The following CACNA1B variants were observed in gnomAD, a reference collection of about 807,000 sequenced individuals.
CACNA1B encodes voltage-dependent N-type calcium channel subunit alpha-1B.
A neutral mutation model predicts 247.2 loss-of-function variants in CACNA1B; 70 were observed. That is an observed-to-expected ratio of 0.28 (90% CI 0.23 to 0.35). The LOEUF is 0.35. CACNA1B is among the 10% of genes least tolerant of loss of function. The pLI, the probability that CACNA1B is intolerant of heterozygous loss-of-function variation, is 1.00. For missense variants in CACNA1B, 2,367 were observed against 3,197.4 expected (o/e 0.74, Z 6.26); for synonymous variants, 1,231 against 1,294.4 (o/e 0.95, Z 1.05).
chr9:137,912,765 C>T (rs1957372105), intron 3 of CACNA1B, among the ~76,000 whole-genome samples: 1 of 152,176 alleles, frequency 6.6e-6, no homozygotes. Flanking sequence ...CTCCTGCTCT[C>T]AGTCTCCACT....
At chr9:137,892,252 G>A (rs1199951193) in intron 3 of CACNA1B, 2 of 456,818 alleles carry the variant, frequency 4.4e-6, no homozygotes, top group Admixed American at 2.3e-5. Context: ...AGTCCTGGAG[G>A]CTGGAGGTCC....
chr9:137,994,386 C>A (rs1329741902), intron 15 of CACNA1B, among the ~76,000 whole-genome samples: 1 of 152,158 alleles, frequency 6.6e-6, no homozygotes, highest in African/African-American at 2.4e-5. Context: ...GCATCCAAAT[C>A]GGTAAAGAGG....
intron 3 of CACNA1B, chr9:137,890,456 G>C (rs1358859018): frequency 4.7e-5 from 7 of 150,198 alleles, no homozygotes; most frequent in African/African-American, 1.7e-4. Context: ...GGACCAGGTG[G>C]TCTGTCCTTT....
rs541233407 is a variant in CACNA1B at position 138,050,062 on chromosome 9, C to T, written c.3710+747C>T. 3 of 1,289,508 alleles carry T rather than the reference C, an allele frequency of 2.3e-6. No individual in the cohort carries two copies. The highest frequency in any genetic ancestry group is 1.1e-4 in the East Asian group (2 of 18,022). The allele number at this position is 1,289,508 out of a possible 1,614,324, so 79.9% of individuals were successfully genotyped here. ...CTCTGTTCTCTTTGTCTTCCTCTTG[C>T]TGGACTCGGCAGGAGCTTCGTGGGG... On this transcript the variant is annotated intron_variant, in intron 24 of 46. Transcript: ENST00000371372. The surrounding 1 kb of genome is among the most constrained non-coding windows in gnomAD (Gnocchi z 5.2).
At chr9:137,976,159 G>A (rs1159723176) in intron 12 of CACNA1B, 140 bp downstream of exon 12, 3 of 630,746 alleles carry the variant, frequency 4.8e-6, no homozygotes, top group Admixed American at 2.8e-5. Context: ...AGACAGTGAG[G>A]AGCAGGGGGC....
chr9:137,955,142 T>G lies in CACNA1B; in HGVS notation c.1071-556T>G. On this transcript the variant is annotated intron_variant, in intron 7 of 46. Coordinates refer to ENST00000371372, the MANE Select transcript of CACNA1B (RefSeq NM_000718.4). The surrounding 1 kb of genome is among the most constrained non-coding windows in gnomAD (Gnocchi z 6.9). ...GCTTGGTTGAGGAGGCTACGTGGAC[T>G]CTGCGGTATTACCCTTCTGCCTCTG... Among the ~76,000 whole-genome samples the G allele has an allele frequency of 6.6e-6, 1 of 152,160 alleles. No individual in the cohort carries two copies. Among genetic ancestry groups the G allele is most frequent in the East Asian group, 1.9e-4 (1 of 5,172 alleles).
At chr9:138,062,808 T>A (rs1203975076) in intron 31 of CACNA1B, among the ~76,000 whole-genome samples, 1 of 152,228 alleles carries the variant, frequency 6.6e-6, no homozygotes, top group Admixed American at 6.5e-5. Context: ...TATCACATCC[T>A]GGGTCTGTTG....
rs759722772 is a variant in CACNA1B at position 138,052,235 on chromosome 9, C to CGTGTGTGTGTGTGCGT, written c.3807+60_3807+75dup. 1.1e-6 allele frequency: 1 copy of CGTGTGTGTGTGTGCGT among 939,716 alleles called. No homozygotes were observed. The highest frequency in any genetic ancestry group is 1.7e-6 in the Non-Finnish European group (1 of 604,280). The allele number at this position is 939,716 out of a possible 1,614,324, so 58.2% of individuals were successfully genotyped here. On this transcript the variant is annotated intron_variant, in intron 25 of 46. Transcript: ENST00000371372. This position sits in a 1 kb window ranked among gnomAD's most constrained non-coding sequence, Gnocchi z 5.1. ...TTGAGGGATGTGCTGTGTGTGTGTG[C>CGTGTGTGTGTGTGCGT]GTGTGTGTGTGTGCGTGTGTGTGTG...
chr9:138,075,374 T>C (rs550285794), intron 34 of CACNA1B, among the ~76,000 whole-genome samples: 1 of 152,382 alleles, frequency 6.6e-6, no homozygotes, highest in South Asian at 2.1e-4. Flanking sequence ...TTTGCATTTC[T>C]TACTGTGGAA....
intron 15 of CACNA1B, among the ~76,000 whole-genome samples, chr9:137,996,876 C>G (rs1473926731): frequency 6.6e-6 from 1 of 152,094 alleles, no homozygotes; most frequent in African/African-American, 2.4e-5. Flanking sequence ...AAGAAAAATA[C>G]AGATCACTTC....
intron 31 of CACNA1B, among the ~76,000 whole-genome samples, chr9:138,061,865 C>T (rs569903803): frequency 1.3e-5 from 2 of 152,234 alleles, no homozygotes; most frequent in African/African-American, 4.8e-5. Flanking sequence ...GTGTTGCTGT[C>T]TGTTCATTCC....
chr9:138,087,713 CAAAAAAAAAAAA>C (rs57138546), intron 36 of CACNA1B, among the ~76,000 whole-genome samples: 7 of 35,456 alleles, frequency 2.0e-4, no homozygotes, highest in Non-Finnish European at 2.6e-4. Context: ...GACTCCGTCT[CAAAAAAAAAAAA>C]AAAAAAAAAA....
At position 137,891,924 on chromosome 9, in the gene CACNA1B, G is replaced by A. The variant is rs2133243111; in HGVS notation, c.530+9041G>A. 5.0e-6 allele frequency: 2 copies of A among 400,664 alleles called. No homozygotes were observed. The highest frequency in any genetic ancestry group is 7.2e-5 in the East Asian group (1 of 13,972). The allele number at this position is 400,664 out of a possible 1,614,324, so 24.8% of individuals were successfully genotyped here. On this transcript the variant is annotated intron_variant, in intron 3 of 46. Transcript: ENST00000371372. The surrounding 1 kb of genome is among the most constrained non-coding windows in gnomAD (Gnocchi z 4.3). Reference sequence around the variant, plus strand: ...CCTGCTGTGAGCTCCTTTCTCCAGGGCTGGGCAGGCCCTTCTAGCCAATGC... The same window carrying A: ...CCTGCTGTGAGCTCCTTTCTCCAGGACTGGGCAGGCCCTTCTAGCCAATGC...
Position 138,123,663 on chromosome 9 carries a change from A to C in CACNA1B, c.*1664A>C, listed in dbSNP as rs1285891562. ...ATGTCATTAACCCATAGGGCTATGC[A>C]ACAAAAGACACATTTAATAGAAGTA... is the stretch of plus-strand genomic sequence containing the variant. On this transcript the variant is annotated 3_prime_UTR_variant, in exon 47 of 47. Transcript: ENST00000371372. The C allele has an allele frequency of 6.6e-6, 1 of 151,964 alleles. No homozygotes were observed. The highest frequency in any genetic ancestry group is 2.4e-5 in the African/African-American group (1 of 41,342). The allele number at this position is 151,964 out of a possible 1,614,324, so 9.4% of individuals were successfully genotyped here.
rs960105004 is a variant in CACNA1B, at chr9:138,072,446, T to A, written c.4675-1042T>A. Among the ~76,000 whole-genome samples, 2 of 152,254 alleles carry A rather than the reference T, an allele frequency of 1.3e-5. No individual in the cohort carries two copies. On this transcript the variant is annotated intron_variant, in intron 32 of 46. Coordinates refer to ENST00000371372, the MANE Select transcript of CACNA1B (RefSeq NM_000718.4). The surrounding 1 kb of genome is among the most constrained non-coding windows in gnomAD (Gnocchi z 4.5). ...CCGCCTCTGCGCCTGCACGTGCTCC[T>A]GCTGCTGCTGTCTCATTTGACATCT...
At chr9:137,920,319 C>G (rs552593604) in intron 6 of CACNA1B, among the ~76,000 whole-genome samples, 2 of 152,300 alleles carry the variant, frequency 1.3e-5, no homozygotes, top group South Asian at 4.1e-4. Context: ...GCCTCAGCCT[C>G]CTAAGTAGCT....
intron 6 of CACNA1B, among the ~76,000 whole-genome samples, chr9:137,921,926 G>GCTCA (rs1479636470): frequency 1.4e-5 from 2 of 146,308 alleles, no homozygotes; most frequent in Non-Finnish European, 3.0e-5. Flanking sequence ...CGGAGAACAT[G>GCTCA]GTCAGCACCA....
At chr9:137,926,500 A>C (rs751754406) in intron 6 of CACNA1B, among the ~76,000 whole-genome samples, 3 of 152,242 alleles carry the variant, frequency 2.0e-5, no homozygotes, top group Non-Finnish European at 4.4e-5. Context: ...ACATGGTTGT[A>C]TAAATATCTC....
intron 37 of CACNA1B, 39 bp downstream of exon 37, chr9:138,096,650 T>C (rs759997947): frequency 1.2e-5 from 19 of 1,590,486 alleles, no homozygotes; most frequent in Non-Finnish European, 1.5e-5. Context: ...TTGGGGGTGG[T>C]CCATGCCCAT....
Sources: gnomAD v4.1 joint callset for allele counts (sites outside exome capture counted in the v4.1 genomes callset) on GRCh38, gnomAD v4.1.1 for gene constraint, Gnocchi (gnomAD v3.1) non-coding constraint, MANE v1.5 for transcripts, NCBI Gene and HGNC (gene_info 2026-07-23, HGNC 2026-07-21) for gene names.